SGF29: variants seen among roughly 807,000 people sequenced by gnomAD.
SGF29 encodes the protein SAGA complex associated factor 29, also known as SAGA-associated factor 29.
Under a neutral mutation model 38.1 loss-of-function variants are expected in SGF29, and 15 were observed. That is an observed-to-expected ratio of 0.39 (90% confidence interval 0.26 to 0.61). The LOEUF (loss-of-function observed/expected upper bound fraction) is 0.61. Among genes scored for constraint, SGF29 ranks in the 20% least tolerant of loss-of-function variants. The pLI is 0.49. For missense variants in SGF29, 184 were observed against 394.6 expected, an observed-to-expected ratio of 0.47 and a Z score of 4.52; for synonymous variants, 151 against 160.8, an observed-to-expected ratio of 0.94 and a Z score of 0.46.
intron 2 of SGF29, among the ~76,000 whole-genome samples, chr16:28,583,288 T>G (rs1422929114): frequency 6.6e-6 from 1 of 152,254 alleles, no homozygotes; most frequent in Non-Finnish European, 1.5e-5. Flanking sequence ...TGTGATTGGT[T>G]TTCACCCAAA....
chr16:28,558,162 G>A (rs577836660), intron 1 of SGF29, among the ~76,000 whole-genome samples: 25 of 148,798 alleles, frequency 1.7e-4, no homozygotes, highest in Non-Finnish European at 3.1e-4. Context: ...CTGGAGTGCA[G>A]TGGTGCAGTC....
intron 1 of SGF29, among the ~76,000 whole-genome samples, chr16:28,570,093 G>T (rs1567287844): frequency 6.6e-6 from 1 of 152,132 alleles, no homozygotes; most frequent in Non-Finnish European, 1.5e-5. Flanking sequence ...ATGGGGGTAG[G>T]GTTGCCTCTG....
Position 28,585,627 on chromosome 16 carries a change from AT to A in SGF29, c.152-20del. On this transcript the variant is annotated intron_variant, in intron 3 of 9. Coordinates refer to ENST00000317058, the MANE Select transcript of SGF29 (RefSeq NM_138414.3). The stretch of plus-strand genomic sequence containing the variant: ...GTGCCTGCCCTGGCCCTGCCTCCTT[AT>A]CCCTGTGTTTCCTCTGCAGTTTCTC... The A allele has an allele frequency of 1.2e-6, 2 of 1,611,862 alleles. No individual in the cohort carries two copies. Among genetic ancestry groups the A allele is most frequent in the Non-Finnish European group, 1.7e-6 (2 of 1,177,990 alleles).
In SGF29 at chr16:28,564,501, C is replaced by CTG. The variant is rs1381590045; in HGVS notation, c.-16+10412_-16+10413dup. 1.9e-3 allele frequency among the ~76,000 whole-genome samples: 264 copies of CTG among 136,092 alleles called. 4 individuals carry two copies. The highest frequency in any genetic ancestry group is 8.6e-4 in the Non-Finnish European group (55 of 64,232). The allele number at this position is 136,092 out of a possible 152,430, so 89.3% of individuals were successfully genotyped here. A position where few individuals can be genotyped will look rare whatever the true frequency, so the allele number is the denominator to read the frequency against. ...TAGCGTTCTCCAGAGGGACAGAACT[C>CTG]TGTGTGTGTATATATATATGTGTGT... On this transcript the variant is annotated intron_variant, in intron 1 of 9. Coordinates refer to ENST00000317058, the MANE Select transcript of SGF29 (RefSeq NM_138414.3).
At chr16:28,585,369 T>C in intron 3 of SGF29, 1 of 551,218 alleles carries the variant, frequency 1.8e-6, no homozygotes, top group Non-Finnish European at 3.3e-6. Context: ...GAGAATTGTG[T>C]TTTCCTGGGT....
At position 28,562,511 on chromosome 16, in the gene SGF29, T is replaced by G. The variant is rs372445577; in HGVS notation, c.-16+8414T>G. On this transcript the variant is annotated intron_variant, in intron 1 of 9. Coordinates refer to ENST00000317058, the MANE Select transcript of SGF29 (RefSeq NM_138414.3). ...TGATGCTGGGCATGCTGCTCGCCTC[T>G]TCAGTGTTTTCCCAAGTAAGGTCTG... Among the ~76,000 whole-genome samples, 29 of 152,262 alleles carry G rather than the reference T, an allele frequency of 1.9e-4. 1 individual carries two copies. Among genetic ancestry groups the G allele is most frequent in the African/African-American group, 4.3e-4 (18 of 41,552 alleles).
intron 2 of SGF29, 99 bp downstream of exon 2, chr16:28,581,243 C>T: frequency 9.2e-7 from 1 of 1,083,040 alleles, no homozygotes; most frequent in South Asian, 1.3e-5. Context: ...ATTGGACTCG[C>T]AGGAACCAAA....
chr16:28,559,401 T>A lies in SGF29; in HGVS notation c.-16+5304T>A, dbSNP rs189917282. 8.6e-3 allele frequency among the ~76,000 whole-genome samples: 1,298 copies of A among 150,674 alleles called. 6 individuals are homozygous for A. Among genetic ancestry groups the A allele is most frequent in the South Asian group, 0.014 (65 of 4,770 alleles). ...GCTGTTTTTGTTGTTGTTGTTGTTT[T>A]GAGACGGAATCTCACTCTGTCACCC... On this transcript the variant is annotated intron_variant, in intron 1 of 9. Coordinates refer to ENST00000317058, the MANE Select transcript of SGF29 (RefSeq NM_138414.3).
At chr16:28,563,033 A>G (rs546355043) in intron 1 of SGF29, among the ~76,000 whole-genome samples, 1 of 152,178 alleles carries the variant, frequency 6.6e-6, no homozygotes, top group African/African-American at 2.4e-5. Context: ...GTGGTTATAT[A>G]ACATTTACAG....
Position 28,590,461 on chromosome 16 carries a change from G to C in SGF29, c.566+19G>C. On this transcript the variant is annotated intron_variant, in intron 7 of 9. Transcript: ENST00000317058. The surrounding 1 kb of genome is among the most constrained non-coding windows in gnomAD (Gnocchi z 8.2). ...CCAACAAGTGAGTGACACCAACCCT[G>C]GGGCTGCTCTCTGGTCACCGAACTT... The C allele has an allele frequency of 5.6e-6, 9 of 1,613,906 alleles. No homozygotes were observed. Among genetic ancestry groups the C allele is most frequent in the Non-Finnish European group, 7.6e-6 (9 of 1,179,836 alleles).
At chr16:28,558,245 A>G (rs1158055693) in intron 1 of SGF29, among the ~76,000 whole-genome samples, 2 of 150,770 alleles carry the variant, frequency 1.3e-5, no homozygotes, top group African/African-American at 4.9e-5. Flanking sequence ...AGCTGGGACT[A>G]CAGGCATGCA....
intron 1 of SGF29, among the ~76,000 whole-genome samples, chr16:28,571,148 G>A (rs1410278173): frequency 2.0e-5 from 3 of 152,080 alleles, no homozygotes; most frequent in Non-Finnish European, 2.9e-5. Flanking sequence ...TGGGGTTAGC[G>A]CCCTTATGAA....
intron 3 of SGF29, 122 bp downstream of exon 3, chr16:28,585,110 A>C: frequency 1.4e-6 from 1 of 712,886 alleles, no homozygotes; most frequent in Non-Finnish European, 2.4e-6. Flanking sequence ...ATATTCCAAA[A>C]TGCAGCAGGA....
chr16:28,564,674 T>TATATAC (rs1491240594), intron 1 of SGF29, among the ~76,000 whole-genome samples: 3 of 90,222 alleles, frequency 3.3e-5, no homozygotes, highest in African/African-American at 4.4e-5. Context: ...TGCATATATA[T>TATATAC]GTATATATAT....
At chr16:28,588,836 G>A in intron 4 of SGF29, 2 of 398,202 alleles carry the variant, frequency 5.0e-6, no homozygotes, top group South Asian at 2.1e-5. Context: ...CTCCCAAAGT[G>A]CTGGGATTAC....
chr16:28,562,009 A>G (rs1201856439), intron 1 of SGF29, among the ~76,000 whole-genome samples: 1 of 152,242 alleles, frequency 6.6e-6, no homozygotes, highest in African/African-American at 2.4e-5. Flanking sequence ...AAATCATAGG[A>G]AGAGCTTGTT....
At chr16:28,564,592 CACACATATATGT>C (rs1567285692) in intron 1 of SGF29, among the ~76,000 whole-genome samples, 5 of 104,238 alleles carry the variant, frequency 4.8e-5, no homozygotes, top group African/African-American at 1.3e-4. Flanking sequence ...TATATATATA[CACACATATATGT>C]GTATATATAT....
chr16:28,585,186 A>G, intron 3 of SGF29, 198 bp downstream of exon 3: 1 of 557,578 alleles, frequency 1.8e-6, no homozygotes, highest in Non-Finnish European at 3.2e-6. Flanking sequence ...AGGATTCGAA[A>G]GGCAGTGAAA....
At chr16:28,577,620 G>A (rs771238575) in intron 1 of SGF29, among the ~76,000 whole-genome samples, 1 of 152,104 alleles carries the variant, frequency 6.6e-6, no homozygotes, top group Admixed American at 6.6e-5. Flanking sequence ...TTATGCATTC[G>A]TGTAGTTTCT....
Sources: allele counts gnomAD v4.1 joint callset (sites outside exome capture counted in the v4.1 genomes callset), GRCh38; gene constraint gnomAD v4.1.1; non-coding constraint Gnocchi (gnomAD v3.1); transcripts MANE v1.5; gene names NCBI Gene and HGNC (gene_info 2026-07-23, HGNC 2026-07-21).